The following FBLN7 variants were observed in gnomAD, a reference collection of about 807,000 sequenced individuals.
FBLN7 encodes the protein fibulin 7.
A neutral mutation model predicts 44.0 loss-of-function variants in FBLN7; 31 were observed. The observed-to-expected ratio is 0.70, with a 90% CI of 0.53 to 0.95. FBLN7 has a LOEUF of 0.95. Among genes scored for constraint, FBLN7 ranks in the 40% least tolerant of loss-of-function variants. The pLI, the probability that FBLN7 is intolerant of heterozygous loss-of-function variation, is 0.00. For synonymous variants in FBLN7, 262 were observed against 253.4 expected (o/e 1.03, Z -0.32); for missense variants, 573 against 618.5 (o/e 0.93, Z 0.78).
chr2:112,230,882 T>C, the FBLN7 span: 1 of 1,294,586 alleles, frequency 7.7e-7, no homozygotes, highest in Non-Finnish European at 1.0e-6. Context: ...AAAAAAGAAA[T>C]GTGGTAAATT....
chr2:112,149,573 G>A (rs1681049390), intron 1 of FBLN7, among the ~76,000 whole-genome samples: 1 of 152,036 alleles, frequency 6.6e-6, no homozygotes, highest in Non-Finnish European at 1.5e-5. Context: ...TGACTGTGCT[G>A]GCCACTCTCC....
intron 2 of FBLN7, among the ~76,000 whole-genome samples, chr2:112,160,739 C>T (rs1681758604): frequency 5.5e-5 from 2 of 36,432 alleles, no homozygotes; most frequent in East Asian, 3.2e-4. Context: ...CACGCACACG[C>T]ACACACGCGC....
At chr2:112,229,673 T>C in the FBLN7 span, among the ~76,000 whole-genome samples, 1 of 152,176 alleles carries the variant, frequency 6.6e-6, no homozygotes, top group Non-Finnish European at 1.5e-5. Context: ...CCAATCTATA[T>C]ATGCATAAAA....
chr2:112,189,591 A>G (rs970952230), downstream of FBLN7: 1 of 152,052 alleles, frequency 6.6e-6, no homozygotes. Flanking sequence ...ATTCATTTGC[A>G]CCCCTTTCCA....
the FBLN7 span, among the ~76,000 whole-genome samples, chr2:112,209,478 A>G: frequency 6.6e-6 from 1 of 152,230 alleles, no homozygotes; most frequent in Non-Finnish European, 1.5e-5. Context: ...AATTAGAAGT[A>G]ATAAAGAAAT....
At chr2:112,234,867 G>A in the FBLN7 span, among the ~76,000 whole-genome samples, 3 of 151,928 alleles carry the variant, frequency 2.0e-5, no homozygotes, top group Admixed American at 6.6e-5. Context: ...GTCTAAGAAC[G>A]AAGATCTTTA....
chr2:112,206,646 C>A, the FBLN7 span, among the ~76,000 whole-genome samples: 1 of 151,328 alleles, frequency 6.6e-6, no homozygotes, highest in East Asian at 1.9e-4. Context: ...TGGGCTCAAG[C>A]AATCCACCTG....
At chr2:112,170,533 G>GAAAAAAAA (rs199582472) in intron 3 of FBLN7, among the ~76,000 whole-genome samples, 1 of 76,832 alleles carries the variant, frequency 1.3e-5, no homozygotes, top group Non-Finnish European at 2.7e-5. Context: ...TCTCGAAAGT[G>GAAAAAAAA]AAAAAAAAAA....
At chr2:112,159,920 T>C in intron 2 of FBLN7, 85 bp downstream of exon 2, 1 of 1,170,958 alleles carries the variant, frequency 8.5e-7, no homozygotes, top group Non-Finnish European at 1.1e-6. Context: ...AGGCCCCTCG[T>C]CACCCCTCAC....
intron 3 of FBLN7, among the ~76,000 whole-genome samples, chr2:112,166,018 T>C (rs534265574): frequency 1.3e-5 from 2 of 150,598 alleles, no homozygotes; most frequent in African/African-American, 5.0e-5. Flanking sequence ...AACAAGAAGA[T>C]TGCAAAAGCA....
the FBLN7 span, chr2:112,214,122 A>G: frequency 6.6e-6 from 1 of 151,336 alleles, no homozygotes; most frequent in East Asian, 2.0e-4. Context: ...AATTTTTTGT[A>G]ATTTTAGTAG....
chr2:112,227,962 G>C, the FBLN7 span, among the ~76,000 whole-genome samples: 1 of 151,722 alleles, frequency 6.6e-6, no homozygotes, highest in Admixed American at 6.6e-5. Flanking sequence ...ATATGGAAAA[G>C]CAAAAGATCC....
Position 112,187,630 on chromosome 2 carries a change from C to T in FBLN7, c.*124C>T. On this transcript the variant is annotated 3_prime_UTR_variant, in exon 8 of 8. Coordinates refer to ENST00000331203, the MANE Select transcript of FBLN7 (RefSeq NM_153214.3). The surrounding 1 kb of genome is among the most constrained non-coding windows in gnomAD (Gnocchi z 5.1). ...CCGCCCTCTCACCAGTGCACCCAGG[C>T]TTCTAGGGCAGCGTTGCACGGCGCC... The T allele has an allele frequency of 2.9e-6, 4 of 1,367,910 alleles. No individual in the cohort carries two copies. In the South Asian group the frequency reaches 5.5e-5, roughly 19 times the overall value. 84.7% of individuals were successfully genotyped at this position (1,367,910 alleles called of 1,614,324 possible).
intron 2 of FBLN7, among the ~76,000 whole-genome samples, chr2:112,162,959 G>A (rs1199371044): frequency 6.6e-6 from 1 of 152,200 alleles, no homozygotes; most frequent in Admixed American, 6.5e-5. Flanking sequence ...AGAGGCTGAG[G>A]CAGAACCCCG....
intron 1 of FBLN7, among the ~76,000 whole-genome samples, chr2:112,154,290 A>G (rs1298736572): frequency 1.3e-5 from 2 of 152,216 alleles, no homozygotes; most frequent in Admixed American, 1.3e-4. Flanking sequence ...ACTGGTTTTG[A>G]AGGGATGAAA....
chr2:112,211,786 C>T, the FBLN7 span: 1 of 151,756 alleles, frequency 6.6e-6, no homozygotes, highest in Non-Finnish European at 1.5e-5. Flanking sequence ...AAGACAAGTT[C>T]GAATTTAGTT....
the FBLN7 span, among the ~76,000 whole-genome samples, chr2:112,222,182 G>A: frequency 1.4e-3 from 215 of 152,244 alleles, no homozygotes; most frequent in Admixed American, 3.5e-3. Flanking sequence ...TTTGTTGAGT[G>A]TTCTTGTCCA....
At chr2:112,156,589 C>T (rs1307465378) in intron 1 of FBLN7, among the ~76,000 whole-genome samples, 1 of 152,168 alleles carries the variant, frequency 6.6e-6, no homozygotes, top group African/African-American at 2.4e-5. Context: ...CTGCACGGTG[C>T]TGGGCAGGTA....
At chr2:112,157,339 C>T (rs1681481853) in intron 1 of FBLN7, among the ~76,000 whole-genome samples, 1 of 152,012 alleles carries the variant, frequency 6.6e-6, no homozygotes, top group Admixed American at 6.6e-5. Context: ...CATTGCACTC[C>T]AGCCTGGGTG....
Sources: allele counts gnomAD v4.1 joint callset (sites outside exome capture counted in the v4.1 genomes callset), GRCh38; gene constraint gnomAD v4.1.1; non-coding constraint Gnocchi (gnomAD v3.1); transcripts MANE v1.5; gene names NCBI Gene and HGNC (gene_info 2026-07-23, HGNC 2026-07-21).